Variants in RIPOR2 observed in about 807,000 individuals in gnomAD.
RIPOR2 encodes the protein RHO family interacting cell polarization regulator 2, also known as rho family-interacting cell polarization regulator 2.
RIPOR2 carries 39 observed loss-of-function variants against 114.5 expected under a neutral mutation model. The ratio of observed to expected loss-of-function variants is 0.34; its 90% CI spans 0.26 to 0.44. RIPOR2 has a LOEUF of 0.44. RIPOR2 is among the 20% of genes least tolerant of loss of function. The pLI is 1.00. For missense variants in RIPOR2, 1,007 were observed against 1,255.1 expected, an observed-to-expected ratio of 0.80 and a Z score of 2.99; for synonymous variants, 445 against 484.4, an observed-to-expected ratio of 0.92 and a Z score of 1.07.
chr6:24,999,453 A>T (rs1009331918), intron 1 of RIPOR2, among the ~76,000 whole-genome samples: 11 of 150,220 alleles, frequency 7.3e-5, no homozygotes, highest in African/African-American at 2.7e-4. Flanking sequence ...GCAACCCCAA[A>T]CCCCCTTGTG....
At chr6:24,989,421 G>A (rs1270955525) in intron 1 of RIPOR2, among the ~76,000 whole-genome samples, 1 of 151,348 alleles carries the variant, frequency 6.6e-6, no homozygotes, top group African/African-American at 2.4e-5. Context: ...TCAGCCTCCT[G>A]AGTAGCTGGG....
chr6:24,894,443 T>G (rs1767656199), intron 1 of RIPOR2, among the ~76,000 whole-genome samples: 1 of 152,252 alleles, frequency 6.6e-6, no homozygotes, highest in South Asian at 2.1e-4. Flanking sequence ...GATGGGGTCT[T>G]GTTACTACTT....
chr6:24,912,812 T>A (rs1769765155), intron 1 of RIPOR2, among the ~76,000 whole-genome samples: 1 of 152,152 alleles, frequency 6.6e-6, no homozygotes, highest in South Asian at 2.1e-4. Flanking sequence ...ATGGCACTGT[T>A]GTAAGTGACA....
At chr6:24,839,577 C>G in intron 13 of RIPOR2, 1 of 1,499,754 alleles carries the variant, frequency 6.7e-7, no homozygotes, top group Non-Finnish European at 9.1e-7. Context: ...ACACTGGGAT[C>G]CATTAGAGGA....
At chr6:24,982,043 A>AC (rs1033767156) in intron 1 of RIPOR2, among the ~76,000 whole-genome samples, 1 of 152,230 alleles carries the variant, frequency 6.6e-6, no homozygotes, top group African/African-American at 2.4e-5. Flanking sequence ...ATGAAAAATG[A>AC]CCCTAATCCA....
At position 24,850,608 on chromosome 6, in the gene RIPOR2, T is replaced by A. The variant is rs772453057; in HGVS notation, c.874A>T (p.Ile292Phe). 1 of 1,613,956 alleles carries A rather than the reference T, an allele frequency of 6.2e-7. No individual in the cohort carries two copies. Among genetic ancestry groups the A allele is most frequent in the Admixed American group, 1.7e-5 (1 of 60,018 alleles). Residue 292 changes from isoleucine to phenylalanine, a missense_variant, in exon 10 of 22, where the codon ATC becomes TTC. Transcript: ENST00000643898. ...TVFLPLIVGF[I>F]SIKVTELKGL... ...TGACAATACTGTACCTTGATGGAGATGAACCCAACTATCAGGGGCAGAAAA... is the reference window on the plus strand; with the variant it reads ...TGACAATACTGTACCTTGATGGAGAAGAACCCAACTATCAGGGGCAGAAAA...
intron 1 of RIPOR2, among the ~76,000 whole-genome samples, chr6:25,007,409 C>A (rs572883090): frequency 6.6e-6 from 1 of 152,140 alleles, no homozygotes; most frequent in Non-Finnish European, 1.5e-5. Flanking sequence ...TGCTCCACCA[C>A]GGGCGCTCAA....
At position 25,010,070 on chromosome 6, in the gene RIPOR2, A is replaced by G. The variant is rs80075182; in HGVS notation, c.76+31781T>C. Among the ~76,000 whole-genome samples the G allele has an allele frequency of 8.8e-3, 1,346 of 152,336 alleles. 7 individuals are homozygous for G. The highest frequency in any genetic ancestry group is 0.023 in the Admixed American group (354 of 15,308). ...GAGGAAGCAAATGGAAAATGTTTAC[A>G]GGTATTATAGTAGGTTATGAGTTTA... On this transcript the variant is annotated intron_variant, in intron 1 of 13. Coordinates refer to the RIPOR2 transcript ENST00000510784.
chr6:24,808,836 T>C (rs147520889), intron 21 of RIPOR2, among the ~76,000 whole-genome samples: 4,505 of 151,432 alleles, frequency 0.03, 94 homozygotes, highest in Non-Finnish European at 0.043. Context: ...CTCAGCTCAC[T>C]GCAACCTCCG....
rs1003666198 is a variant in RIPOR2 at position 24,883,554 on chromosome 6, A to C, written c.62-7737T>G. Among the ~76,000 whole-genome samples the C allele has an allele frequency of 2.6e-5, 4 of 152,194 alleles. No homozygotes were observed. Among genetic ancestry groups the C allele is most frequent in the African/African-American group, 7.2e-5 (3 of 41,450 alleles). On this transcript the variant is annotated intron_variant, in intron 1 of 21. Transcript: ENST00000643898. The surrounding 1 kb of genome is among the most constrained non-coding windows in gnomAD (Gnocchi z 4.1). The stretch of plus-strand genomic sequence containing the variant: ...TGGATGATGGTAGCACAAATGTATA[A>C]ATTTACTAAAACTCAAACTGTCCAC...
At chr6:24,832,461 T>C (rs1760764631) in intron 15 of RIPOR2, 70 bp from the exon 16 acceptor site, 4 of 1,402,992 alleles carry the variant, frequency 2.9e-6, no homozygotes, top group Non-Finnish European at 3.9e-6. Context: ...CCCAGCCTCA[T>C]CCTTCCTGAA....
At position 24,977,736 on chromosome 6, in the gene RIPOR2, T is replaced by A. The variant is rs562859126; in HGVS notation, c.76+64115A>T. Among the ~76,000 whole-genome samples the A allele has an allele frequency of 3.3e-5, 5 of 152,320 alleles. No individual in the cohort carries two copies. The South Asian group carries it at 1.0e-3, about 32-fold the overall frequency. ...GATGTTTTGTTGGTTTCTGTAAACA[T>A]CTGGCTCTTGAAATCCTAATTATTC... On this transcript the variant is annotated intron_variant, in intron 1 of 13. Coordinates refer to the RIPOR2 transcript ENST00000510784.
At position 24,850,633 on chromosome 6, in the gene RIPOR2, A is replaced by G; in HGVS notation, c.849T>C (p.Val283=). Reference sequence around the variant, plus strand: ...TGAACCCAACTATCAGGGGCAGAAAAACTGTTTCTTCTCCATCCCAGCTCT... The same window carrying G: ...TGAACCCAACTATCAGGGGCAGAAAGACTGTTTCTTCTCCATCCCAGCTCT... ...GKQSWDGEET[V]FLPLIVGFIS... is the part of the protein sequence containing the mutation. The change falls in exon 10 of 22, where the codon GTT becomes GTC. Residue 283 remains valine (V), a synonymous_variant. Coordinates refer to ENST00000643898, the MANE Select transcript of RIPOR2 (RefSeq NM_001286445.3). The G allele has an allele frequency of 6.2e-7, 1 of 1,613,834 alleles. No individual in the cohort carries two copies.
In RIPOR2 at chr6:24,839,652, A is replaced by G. The variant is rs970047496; in HGVS notation, c.1858-380T>C. 6 of 1,539,350 alleles carry G rather than the reference A, an allele frequency of 3.9e-6. No homozygotes were observed. The African/African-American group carries it at 7.0e-5, about 18-fold the overall frequency. ...TGAAAAAAAACAAAAAAAACAAAAA[A>G]CAAAACCATGTCAACCACAAAGCCT... On this transcript the variant is annotated intron_variant, in intron 13 of 21. Coordinates refer to ENST00000643898, the MANE Select transcript of RIPOR2 (RefSeq NM_001286445.3).
At chr6:24,850,021 T>A in intron 10 of RIPOR2, 71 bp from the exon 11 acceptor site, 2 of 1,326,216 alleles carry the variant, frequency 1.5e-6, no homozygotes, top group Non-Finnish European at 2.1e-6. Context: ...ATGTGTCATT[T>A]TTTTTACTGA....
At chr6:24,825,201 T>G (rs1359341655) in intron 19 of RIPOR2, 25 bp downstream of exon 19, 2 of 1,517,080 alleles carry the variant, frequency 1.3e-6, no homozygotes, top group Non-Finnish European at 1.8e-6. Context: ...GCTTCTGGCT[T>G]GATGGCCATG....
intron 13 of RIPOR2, chr6:24,839,515 T>C (rs1311013421): frequency 1.4e-5 from 19 of 1,404,604 alleles, no homozygotes; most frequent in Non-Finnish European, 1.7e-5. Flanking sequence ...GGTTGAAGAA[T>C]AGGAAACAAG....
chr6:24,896,991 A>G (rs1253385830), intron 1 of RIPOR2, among the ~76,000 whole-genome samples: 1 of 152,226 alleles, frequency 6.6e-6, no homozygotes, highest in Non-Finnish European at 1.5e-5. Context: ...ATGATTTTTA[A>G]GAGCAATTTT....
chr6:24,953,259 G>A (rs1476388551), intron 1 of RIPOR2, among the ~76,000 whole-genome samples: 1 of 152,176 alleles, frequency 6.6e-6, no homozygotes. Context: ...CTTGAACCCG[G>A]GAGGCAGAGG....
Sources: gnomAD v4.1 joint callset for allele counts (sites outside exome capture counted in the v4.1 genomes callset) on GRCh38, gnomAD v4.1.1 for gene constraint, Gnocchi (gnomAD v3.1) non-coding constraint, MANE v1.5 for transcripts, NCBI Gene and HGNC (gene_info 2026-07-23, HGNC 2026-07-21) for gene names.